KRT86: variants seen among roughly 807,000 people sequenced by gnomAD.
KRT86 encodes keratin, type II cuticular Hb6.
A neutral mutation model predicts 41.2 loss-of-function variants in KRT86; 30 were observed. The observed-to-expected ratio is 0.73, with a 90% CI of 0.54 to 0.99. The LOEUF is 0.99. Among genes scored for constraint, KRT86 ranks in the 50% least tolerant of loss-of-function variants. The probability of loss-of-function intolerance (pLI) is 0.00; values close to 1 mark genes in which losing one functional copy is unlikely to be tolerated. For synonymous variants in KRT86, 238 were observed against 238.1 expected (o/e 1.00, Z 0.00); for missense variants, 561 against 571.4 (o/e 0.98, Z 0.19).
chr12:52,286,300 G>A (rs1339617225), intron 2 of KRT86: 4 of 1,554,578 alleles, frequency 2.6e-6, no homozygotes, highest in Non-Finnish European at 3.5e-6. Context: ...CACCCAGGGA[G>A]CTGATACCAC....
intron 2 of KRT86, chr12:52,286,512 G>C (rs1937942444): frequency 6.4e-7 from 1 of 1,550,606 alleles, no homozygotes; most frequent in African/African-American, 1.4e-5. Context: ...CCCGAAGGCT[G>C]AGTCAAAATT....
intron 2 of KRT86, among the ~76,000 whole-genome samples, chr12:52,300,110 T>A (rs542306766): frequency 6.6e-6 from 1 of 152,228 alleles, no homozygotes; most frequent in Non-Finnish European, 1.5e-5. Context: ...CATTTTAATT[T>A]GGTTTTTGTA....
At chr12:52,286,800 C>T in intron 2 of KRT86, 1 of 1,614,090 alleles carries the variant, frequency 6.2e-7, no homozygotes, top group Non-Finnish European at 8.5e-7. Context: ...CAGACATTCA[C>T]AGCCCCAATG....
chr12:52,291,837 G>C (rs1429970421), intron 2 of KRT86, among the ~76,000 whole-genome samples: 1 of 152,146 alleles, frequency 6.6e-6, no homozygotes, highest in Non-Finnish European at 1.5e-5. Context: ...AGGAGGAGTA[G>C]AGCCTGGCGA....
intron 2 of KRT86, among the ~76,000 whole-genome samples, chr12:52,301,645 C>A (rs1938378209): frequency 6.6e-6 from 1 of 152,088 alleles, no homozygotes; most frequent in Admixed American, 6.5e-5. Context: ...TGAGTTGGTC[C>A]TTTGAAGAAG....
At chr12:52,301,723 G>A (rs538626788) in intron 2 of KRT86, 190 bp from the exon 3 acceptor site, 1 of 1,039,696 alleles carries the variant, frequency 9.6e-7, no homozygotes, top group South Asian at 1.5e-5. Flanking sequence ...AGTACATTAA[G>A]TGGGGAGCGA....
intron 2 of KRT86, chr12:52,291,163 G>A: frequency 8.7e-7 from 1 of 1,145,512 alleles, no homozygotes; most frequent in African/African-American, 1.8e-5. Flanking sequence ...CCTGCTTCAC[G>A]CACTGCGCGT....
At chr12:52,301,166 A>AG (rs1222397883) in intron 2 of KRT86, among the ~76,000 whole-genome samples, 2 of 147,538 alleles carry the variant, frequency 1.4e-5, no homozygotes, top group East Asian at 1.9e-4. Flanking sequence ...TGAAAGAGAG[A>AG]GGGGGGGTTG....
chr12:52,306,079 C>T lies in KRT86; in HGVS notation c.1046C>T (p.Ala349Val), dbSNP rs201286632. 1.1e-5 allele frequency: 18 copies of T among 1,613,988 alleles called. No homozygotes were observed. Among genetic ancestry groups the T allele is most frequent in the African/African-American group, 5.3e-5 (4 of 75,044 alleles). Residue 349 changes from alanine to valine, a missense_variant, in exon 9 of 11, where the codon GCG (alanine) becomes GTG (valine). Ala to Val is a moderately conservative substitution (Grantham distance 64). Around this residue, in one of 3 missense-constraint regions of KRT86, gnomAD observed 397 missense variants for 375.9 expected, o/e 1.06. Transcript: ENST00000423955. ...CTTCAGAATTCCAAGCTGGAGGCTG[C>T]GGTGGCTCAGTCTGAGCAGCAGGGT... is the stretch of plus-strand genomic sequence containing the variant. The part of the protein sequence containing the change: ...AKCQNSKLEA[A>V]VAQSEQQGEA...
At chr12:52,274,832 G>C in intron 1 of KRT86, 110 bp downstream of exon 1, 1 of 576,720 alleles carries the variant, frequency 1.7e-6, no homozygotes, top group Non-Finnish European at 2.2e-6. Flanking sequence ...AAAGTTGGGG[G>C]CAGTGGGAAC....
rs1272049101 is a variant in KRT86 at position 52,286,466 on chromosome 12, A to C, written c.-5+10520A>C. 6.4e-7 allele frequency: 1 copy of C among 1,552,410 alleles called. No homozygotes were observed. The highest frequency in any genetic ancestry group is 2.4e-5 in the East Asian group (1 of 41,058). On this transcript the variant is annotated intron_variant, in intron 2 of 10. Transcript: ENST00000423955. ...GCCTGACACGCAGAGGTCCCCGCAC[A>C]CGACCCCGCCCCGGGAGCTGCTGAC...
intron 6 of KRT86, 67 bp from the exon 7 acceptor site, chr12:52,305,173 G>T: frequency 6.2e-7 from 1 of 1,612,364 alleles, no homozygotes; most frequent in South Asian, 1.1e-5. Flanking sequence ...AGCCTGAGGA[G>T]GTGGAGTCAG....
chr12:52,298,140 G>A (rs1005441804), intron 2 of KRT86, among the ~76,000 whole-genome samples: 4 of 152,170 alleles, frequency 2.6e-5, no homozygotes, highest in Admixed American at 2.0e-4. Context: ...CCCAAGGATT[G>A]GTGGTGTGTT....
chr12:52,293,088 A>C (rs1343704893), intron 2 of KRT86, among the ~76,000 whole-genome samples: 1 of 152,230 alleles, frequency 6.6e-6, no homozygotes, highest in Non-Finnish European at 1.5e-5. Context: ...CAGGAGATGG[A>C]GGTTGGATCA....
intron 2 of KRT86, chr12:52,288,445 G>T (rs140435760): frequency 3.7e-6 from 6 of 1,613,994 alleles, no homozygotes; most frequent in South Asian, 3.3e-5. Flanking sequence ...GGAGGTAGGC[G>T]CAGTCCACAT....
chr12:52,305,897 C>G (rs1342331616), intron 8 of KRT86, 109 bp downstream of exon 8: 35 of 1,597,934 alleles, frequency 2.2e-5, no homozygotes, highest in Non-Finnish European at 2.9e-5. Flanking sequence ...GCCCCTCTGT[C>G]CATGTAGAGT....
At chr12:52,286,096 A>G in intron 2 of KRT86, 1 of 697,542 alleles carries the variant, frequency 1.4e-6, no homozygotes, top group Non-Finnish European at 2.5e-6. Flanking sequence ...AGAGCCCAGA[A>G]GTGGGGGATC....
intron 2 of KRT86, among the ~76,000 whole-genome samples, chr12:52,276,856 G>C (rs952743725): frequency 2.0e-5 from 3 of 152,184 alleles, no homozygotes; most frequent in African/African-American, 4.8e-5. Context: ...GGAGGGAAGG[G>C]CTTCTGTTCC....
intron 2 of KRT86, among the ~76,000 whole-genome samples, chr12:52,284,515 T>C (rs10783508): frequency 0.85 from 128,990 of 152,216 alleles, 54,883 homozygotes; most frequent in African/African-American, 0.92. Context: ...AGCTGTGTGA[T>C]GTCACAGCAT....
Sources: allele counts gnomAD v4.1 joint callset (sites outside exome capture counted in the v4.1 genomes callset), GRCh38; gene constraint gnomAD v4.1.1; regional missense constraint gnomAD v4.1.1; transcripts MANE v1.5; gene names NCBI Gene and HGNC (gene_info 2026-07-23, HGNC 2026-07-21).